KRT40: variants seen among roughly 807,000 people sequenced by gnomAD.
KRT40 encodes keratin, type I cytoskeletal 40.
KRT40 carries 47 observed loss-of-function variants against 43.5 expected under a neutral mutation model. The ratio of observed to expected loss-of-function variants is 1.08; its 90% CI spans 0.86 to 1.38. The LOEUF is 1.38. KRT40 is among the 40% of genes most tolerant of loss of function. KRT40 has a pLI of 0.00. For missense variants in KRT40, 573 were observed against 523.6 expected (o/e 1.09, Z -0.92); for synonymous variants, 212 against 214.0 (o/e 0.99, Z 0.08).
rs1336130527 is a variant in KRT40, at chr17:40,979,949, T to C, written c.975+836A>G. 3.3e-5 allele frequency among the ~76,000 whole-genome samples: 5 copies of C among 152,324 alleles called. No individual in the cohort carries two copies. The East Asian group carries it at 9.6e-4, about 29-fold the overall frequency. On this transcript the variant is annotated intron_variant, in intron 5 of 6. Transcript: ENST00000377755. ...TAAATACTTGAGGTGATGGATGCTCTAAATATCCTGACTTGATCATTACAC... is the reference window on the plus strand; with the variant it reads ...TAAATACTTGAGGTGATGGATGCTCCAAATATCCTGACTTGATCATTACAC...
chr17:40,982,264 C>A, intron 3 of KRT40, 43 bp downstream of exon 3: 2 of 1,467,654 alleles, frequency 1.4e-6, no homozygotes, highest in Non-Finnish European at 1.8e-6. Context: ...AATGTAAGTA[C>A]GTTACTCTCG....
At chr17:40,983,249 C>T in intron 1 of KRT40, 121 bp from the exon 2 acceptor site, 2 of 513,578 alleles carry the variant, frequency 3.9e-6, no homozygotes, top group Non-Finnish European at 6.9e-6. Context: ...TAAAATCACC[C>T]TCAGCCTGCT....
chr17:40,984,058 G>A lies in KRT40; in HGVS notation c.216C>T (p.Cys72=), dbSNP rs1394070424. The A allele has an allele frequency of 1.2e-6, 2 of 1,614,112 alleles. No individual in the cohort carries two copies. Among genetic ancestry groups the A allele is most frequent in the Admixed American group, 1.7e-5 (1 of 60,010 alleles). ...CACACCAGGCACAGTTCCCCACCAA[G>A]CAGGGACTATTACAACTCCCAGTAA... ...CYFTGSCNSP[C]LVGNCAWCED... Residue 72 remains cysteine (C), a synonymous_variant, in exon 1 of 7, where the codon TGC becomes TGT. Transcript: ENST00000377755.
intron 2 of KRT40, 63 bp downstream of exon 2, chr17:40,982,983 G>A: frequency 1.4e-6 from 1 of 720,674 alleles, no homozygotes; most frequent in East Asian, 2.8e-5. Flanking sequence ...GCTCTAGCCT[G>A]GGTGACAAGA....
upstream of KRT40, among the ~76,000 whole-genome samples, chr17:40,985,064 C>A (rs1483930629): frequency 1.3e-5 from 2 of 152,120 alleles, no homozygotes; most frequent in Non-Finnish European, 2.9e-5. Context: ...TACCTGTATT[C>A]CTAATAAGAG....
upstream of KRT40, among the ~76,000 whole-genome samples, chr17:40,984,791 C>G (rs562977524): frequency 5.9e-5 from 9 of 152,132 alleles, no homozygotes; most frequent in South Asian, 4.1e-4. Flanking sequence ...AGTAATCTTT[C>G]AATGCTTTTT....
chr17:40,978,372 A>T, intron 6 of KRT40, 76 bp from the exon 7 acceptor site: 1 of 1,172,026 alleles, frequency 8.5e-7, no homozygotes, highest in Non-Finnish European at 1.3e-6. Context: ...AACCGTGTCA[A>T]AATTTGCCCT....
intron 3 of KRT40, 46 bp downstream of exon 3, chr17:40,982,261 G>A (rs775221853): frequency 2.7e-6 from 4 of 1,456,614 alleles, no homozygotes; most frequent in Admixed American, 4.8e-5. Context: ...GTCAATGTAA[G>A]TACGTTACTC....
At chr17:40,986,743 A>C (rs540066559), upstream of KRT40, among the ~76,000 whole-genome samples, 5 of 151,618 alleles carry the variant, frequency 3.3e-5, no homozygotes, top group East Asian at 1.9e-4. Flanking sequence ...AAAAAAAAAA[A>C]CCGACAACAA....
chr17:40,983,961 C>G lies in KRT40; in HGVS notation c.313G>C (p.Glu105Gln). Reference sequence around the variant, plus strand: ...GTCTCCTCCAGGCTGCGCACCTTCTCCAGATAGCTGGCGAGTCTGTCATTC... The same window carrying G: ...GTCTCCTCCAGGCTGCGCACCTTCTGCAGATAGCTGGCGAGTCTGTCATTC... ...FLNDRLASYL[E>Q]KVRSLEETNA... The change falls in exon 1 of 7, where the codon GAG (glutamate) becomes CAG (glutamine). Residue 105 changes from glutamate (E) to glutamine (Q), a missense_variant. Physicochemically the swap from Glu to Gln is conservative, Grantham distance 29. Transcript: ENST00000377755. 2 of 1,614,132 alleles carry G rather than the reference C, an allele frequency of 1.2e-6. No individual in the cohort carries two copies. Among genetic ancestry groups the G allele is most frequent in the South Asian group, 1.1e-5 (1 of 91,068 alleles).
intron 3 of KRT40, among the ~76,000 whole-genome samples, chr17:40,981,663 T>C (rs1281702421): frequency 6.6e-6 from 1 of 152,198 alleles, no homozygotes; most frequent in Non-Finnish European, 1.5e-5. Flanking sequence ...TTCCTCAGCC[T>C]GATTTTCATA....
rs1259832834 is a variant in KRT40 at position 40,983,938 on chromosome 17, C to G, written c.336G>C (p.Glu112Asp). Residue 112 changes from glutamate to aspartate, a missense_variant, in exon 1 of 7, where the codon GAG becomes GAC. Coordinates refer to ENST00000377755, the MANE Select transcript of KRT40 (RefSeq NM_001389244.1). ...SYLEKVRSLE[E>D]TNAELESRIQ... ...TCCTGGATTCCAGCTCTGCGTTGGT[C>G]TCCTCCAGGCTGCGCACCTTCTCCA... 6.2e-7 allele frequency: 1 copy of G among 1,614,094 alleles called. No homozygotes were observed. Among genetic ancestry groups the G allele is most frequent in the Admixed American group, 1.7e-5 (1 of 60,014 alleles).
Position 40,983,079 on chromosome 17 carries a change from T to A in KRT40, c.497A>T (p.Asn166Ile). 1 of 1,507,234 alleles carries A rather than the reference T, an allele frequency of 6.6e-7. No homozygotes were observed. The allele number at this position is 1,507,234 out of a possible 1,614,324, so 93.4% of individuals were successfully genotyped here. ...ENSRLAVQLD[N>I]CKLATDDFKS... ...AAAGTCATCAGTGGCCAGTTTGCAG[T>A]TGTCAAGCTGTACAGCAAGTCTAGA... The change falls in exon 2 of 7, where the codon AAC becomes ATC. Residue 166 changes from asparagine to isoleucine, a missense_variant. Coordinates refer to ENST00000377755, the MANE Select transcript of KRT40 (RefSeq NM_001389244.1).
intron 1 of KRT40, 138 bp downstream of exon 1, chr17:40,983,689 G>T: frequency 1.3e-6 from 1 of 778,438 alleles, no homozygotes; most frequent in Non-Finnish European, 2.1e-6. Flanking sequence ...TTTCAGTCCG[G>T]TGCTCTCCCC....
intron 2 of KRT40, among the ~76,000 whole-genome samples, chr17:40,982,775 G>A (rs926687813): frequency 6.6e-6 from 1 of 152,092 alleles, no homozygotes; most frequent in African/African-American, 2.4e-5. Context: ...AGGCCAAGGC[G>A]GGCAGATCAC....
In KRT40 at chr17:40,978,257, G is replaced by A; in HGVS notation, c.1236C>T (p.Ser412=). 6.2e-7 allele frequency: 1 copy of A among 1,614,128 alleles called. No homozygotes were observed. The highest frequency in any genetic ancestry group is 8.5e-7 in the Non-Finnish European group (1 of 1,179,980). The change falls in exon 7 of 7, where the codon AGC becomes AGT. Residue 412 remains serine (S), a synonymous_variant. Coordinates refer to ENST00000377755, the MANE Select transcript of KRT40 (RefSeq NM_001389244.1). ...CSPCSTTCTS[S]NTCEPCSAYV... ...AGGCTGAGCATGGCTCACAAGTGTT[G>A]CTCGAGGTGCATGTGGTCGAACATG...
chr17:40,983,901 A>G lies in KRT40; in HGVS notation c.373T>C (p.Cys125Arg), dbSNP rs1912314950. 5 of 1,614,116 alleles carry G rather than the reference A, an allele frequency of 3.1e-6. No individual in the cohort carries two copies. Among genetic ancestry groups the G allele is most frequent in the Non-Finnish European group, 4.2e-6 (5 of 1,180,014 alleles). Residue 125 changes from cysteine to arginine, a missense_variant, in exon 1 of 7, where the codon TGT (cysteine) becomes CGT (arginine). Cys to Arg is a radical substitution (Grantham distance 180). Transcript: ENST00000377755. ...CACACCATTGGGATATCCTGTTCAC[A>G]TTGTTCTTGGATCCTGGATTCCAGC... The part of the protein sequence containing the change: ...AELESRIQEQ[C>R]EQDIPMVCPD...
At chr17:40,980,022 G>T (rs544605123) in intron 5 of KRT40, among the ~76,000 whole-genome samples, 1 of 151,978 alleles carries the variant, frequency 6.6e-6, no homozygotes, top group African/African-American at 2.4e-5. Flanking sequence ...AAAAATTTAC[G>T]CATATTATAT....
intron 5 of KRT40, among the ~76,000 whole-genome samples, chr17:40,979,821 T>C (rs1912034775): frequency 6.6e-6 from 1 of 152,150 alleles, no homozygotes; most frequent in South Asian, 2.1e-4. Flanking sequence ...TATGTTTTCA[T>C]GTTGGACAGC....
Sources: allele counts gnomAD v4.1 joint callset (sites outside exome capture counted in the v4.1 genomes callset), GRCh38; gene constraint gnomAD v4.1.1; transcripts MANE v1.5; gene names NCBI Gene and HGNC (gene_info 2026-07-23, HGNC 2026-07-21).